Variants in CFAP251 observed in about 807,000 individuals in gnomAD.
CFAP251 encodes cilia- and flagella-associated protein 251.
Under a neutral mutation model 126.7 loss-of-function variants are expected in CFAP251, and 93 were observed. The observed-to-expected ratio is 0.73, with a 90% CI of 0.62 to 0.87. The LOEUF is 0.87. Ranked by LOEUF, CFAP251 falls within the 40% of genes least tolerant of loss-of-function variation. CFAP251 has a pLI of 0.00. For synonymous variants in CFAP251, 503 were observed against 506.9 expected (o/e 0.99, Z 0.10); for missense variants, 1,287 against 1,389.2 (o/e 0.93, Z 1.17).
At position 121,921,549 on chromosome 12, in the gene CFAP251, G is replaced by A. The variant is rs1367013968; in HGVS notation, c.244G>A (p.Gly82Arg). The A allele has an allele frequency of 1.2e-6, 2 of 1,613,664 alleles. No individual in the cohort carries two copies. The highest frequency in any genetic ancestry group is 1.7e-6 in the Non-Finnish European group (2 of 1,179,946). ...IVMEETEEKA[G>R]EVQEKEASGI... ...CATGGAAGAAACTGAGGAAAAGGCTGGAGAAGTCCAAGAGAAGGAGGCTTC... is the reference window on the plus strand; with the variant it reads ...CATGGAAGAAACTGAGGAAAAGGCTAGAGAAGTCCAAGAGAAGGAGGCTTC... The change falls in exon 2 of 22, where the codon GGA (glycine) becomes AGA (arginine). Residue 82 changes from glycine (G) to arginine (R), a missense_variant. Gly to Arg is a moderately radical substitution (Grantham distance 125). Transcript: ENST00000288912.
chr12:121,965,515 T>C (rs1189767484), intron 15 of CFAP251, among the ~76,000 whole-genome samples: 4 of 151,952 alleles, frequency 2.6e-5, no homozygotes, highest in African/African-American at 4.8e-5. Flanking sequence ...ACAATCCAAA[T>C]GCCCATTAAT....
intron 19 of CFAP251, among the ~76,000 whole-genome samples, chr12:121,991,719 T>G (rs1341700844): frequency 1.3e-5 from 2 of 152,114 alleles, no homozygotes; most frequent in Non-Finnish European, 2.9e-5. Context: ...CTCAGCTGGT[T>G]GTGGTGGCTC....
intron 7 of CFAP251, among the ~76,000 whole-genome samples, chr12:121,947,221 A>G (rs1881356172): frequency 6.6e-6 from 1 of 152,056 alleles, no homozygotes; most frequent in South Asian, 2.1e-4. Context: ...TTCTTTGGCT[A>G]TATCTAAATT....
Position 121,988,726 on chromosome 12 carries a change from ATT to A in CFAP251, c.3007-10982_3007-10981del, listed in dbSNP as rs1365407338. Reference sequence around the variant, plus strand: ...TGTGCAAGTTTTTTGTTGTTGTTGGATTTTTTTTTCTTTTTTTTCTCTTTTTT... The same window carrying A: ...TGTGCAAGTTTTTTGTTGTTGTTGGATTTTTTTCTTTTTTTTCTCTTTTTT... On this transcript the variant is annotated intron_variant, in intron 19 of 21. Coordinates refer to ENST00000288912, the MANE Select transcript of CFAP251 (RefSeq NM_144668.6). 2.3e-3 allele frequency among the ~76,000 whole-genome samples: 329 copies of A among 142,150 alleles called. 2 individuals are homozygous for A. Among genetic ancestry groups the A allele is most frequent in the African/African-American group, 8.4e-3 (323 of 38,564 alleles). 93.3% of individuals were successfully genotyped at this position (142,150 alleles called of 152,430 possible).
At chr12:121,971,268 G>T (rs1344600948) in intron 17 of CFAP251, among the ~76,000 whole-genome samples, 2 of 152,224 alleles carry the variant, frequency 1.3e-5, no homozygotes, top group Non-Finnish European at 2.9e-5. Flanking sequence ...TGAGAAGTGG[G>T]GAAGACCCTT....
At chr12:121,992,245 A>AACT (rs1483718862) in intron 19 of CFAP251, 1 of 985,354 alleles carries the variant, frequency 1.0e-6, no homozygotes, top group Admixed American at 6.1e-5. Context: ...CCCAAGCATG[A>AACT]ACTTTGTTCA....
chr12:121,960,804 C>T, intron 14 of CFAP251, 46 bp downstream of exon 14: 2 of 1,601,388 alleles, frequency 1.2e-6, no homozygotes, highest in African/African-American at 1.3e-5. Context: ...GACTGTGTCT[C>T]ACTCTTGTGA....
In CFAP251 at chr12:121,967,084, T is replaced by G; in HGVS notation, c.2607+15T>G. The G allele has an allele frequency of 1.8e-5, 29 of 1,603,286 alleles. No homozygotes were observed. The highest frequency in any genetic ancestry group is 2.3e-5 in the Non-Finnish European group (27 of 1,170,074). On this transcript the variant is annotated intron_variant, in intron 16 of 21. Transcript: ENST00000288912. ...ACAGAGACAAGGTAACAGCGCTCTC[T>G]TCTCCAGTTCTGGGAGTTGACTCTG...
intron 17 of CFAP251, chr12:121,971,600 A>G (rs1265983703): frequency 1.4e-6 from 1 of 702,916 alleles, no homozygotes; most frequent in Non-Finnish European, 2.6e-6. Flanking sequence ...CATCAGACAC[A>G]TCAAGAAGCT....
intron 19 of CFAP251, among the ~76,000 whole-genome samples, chr12:121,979,877 C>T (rs1882576680): frequency 6.6e-6 from 1 of 152,064 alleles, no homozygotes; most frequent in Admixed American, 6.5e-5. Context: ...CAGCCTTATT[C>T]TTTGGTTACA....
intron 21 of CFAP251, among the ~76,000 whole-genome samples, chr12:122,002,746 C>T (rs1319114148): frequency 6.6e-6 from 1 of 152,106 alleles, no homozygotes; most frequent in Non-Finnish European, 1.5e-5. Flanking sequence ...TCAGGAGGAA[C>T]CAATCTAAAC....
chr12:121,944,737 G>A (rs1255806709), intron 7 of CFAP251, among the ~76,000 whole-genome samples: 1 of 152,144 alleles, frequency 6.6e-6, no homozygotes, highest in Non-Finnish European at 1.5e-5. Context: ...TTTGTACCTT[G>A]CAACCTTGCT....
At chr12:122,002,059 CA>C (rs1307421234) in intron 21 of CFAP251, 147 of 166,354 alleles carry the variant, frequency 8.8e-4, no homozygotes, top group South Asian at 2.2e-3. Flanking sequence ...CCCATCTCTA[CA>C]AAAAAAAAAC....
At chr12:121,959,120 C>T (rs774864248) in intron 13 of CFAP251, 26 bp downstream of exon 13, 1 of 1,555,278 alleles carries the variant, frequency 6.4e-7, no homozygotes, top group Non-Finnish European at 8.7e-7. Context: ...GACAACCCAT[C>T]CAGTGGCTTA....
In CFAP251 at chr12:121,934,214, A is replaced by G. The variant is rs755902877; in HGVS notation, c.889-33A>G. 9.5e-6 allele frequency: 15 copies of G among 1,576,864 alleles called. No homozygotes were observed. The East Asian group carries it at 3.4e-4, about 35-fold the overall frequency. On this transcript the variant is annotated intron_variant, in intron 4 of 21. Coordinates refer to ENST00000288912, the MANE Select transcript of CFAP251 (RefSeq NM_144668.6). ...TGGCCAAGGCTGGGCCGCATCTTGG[A>G]TGTTTCAAAGCGTTTTCTCTCCATT...
chr12:121,931,084 A>G (rs894552149), intron 3 of CFAP251, among the ~76,000 whole-genome samples: 3 of 152,010 alleles, frequency 2.0e-5, no homozygotes, highest in Admixed American at 6.6e-5. Context: ...TAATGACTTC[A>G]TTGTAACTTG....
In CFAP251 at chr12:121,957,178, T is replaced by G. The variant is rs752827819; in HGVS notation, c.1640T>G (p.Leu547Arg). ...SHLKLGAIRT[L>R]SFSKTPATPP... ...TTGAAACTGGGCGCCATAAGAACTC[T>G]GTCCTTTTCAAAGACCCCAGCAACT... The change falls in exon 11 of 22, where the codon CTG becomes CGG. Residue 547 changes from leucine to arginine, a missense_variant. By Grantham distance (102) the Leu-to-Arg change is moderately radical. Coordinates refer to ENST00000288912, the MANE Select transcript of CFAP251 (RefSeq NM_144668.6). 1 of 1,614,162 alleles carries G rather than the reference T, an allele frequency of 6.2e-7. No homozygotes were observed. Among genetic ancestry groups the G allele is most frequent in the Non-Finnish European group, 8.5e-7 (1 of 1,180,020 alleles).
chr12:121,971,587 C>T (rs894337255), intron 17 of CFAP251: 1 of 702,936 alleles, frequency 1.4e-6, no homozygotes, highest in Non-Finnish European at 2.6e-6. Flanking sequence ...CCAATATTAT[C>T]CCCATCAGAC....
chr12:121,986,079 C>T (rs557209331), intron 19 of CFAP251, among the ~76,000 whole-genome samples: 1 of 152,226 alleles, frequency 6.6e-6, no homozygotes, highest in East Asian at 1.9e-4. Context: ...GCAACCTCCA[C>T]CTCCTGGATT....
Sources: gnomAD v4.1 joint callset for allele counts (sites outside exome capture counted in the v4.1 genomes callset) on GRCh38, gnomAD v4.1.1 for gene constraint, MANE v1.5 for transcripts, NCBI Gene and HGNC (gene_info 2026-07-23, HGNC 2026-07-21) for gene names.